The following NOL4L variants were observed in gnomAD, a reference collection of about 807,000 sequenced individuals.
NOL4L encodes the protein nucleolar protein 4-like.
A neutral mutation model predicts 64.5 loss-of-function variants in NOL4L; 7 were observed. The observed-to-expected ratio is 0.11, with a 90% CI of 0.06 to 0.20. The LOEUF (loss-of-function observed/expected upper bound fraction) is 0.20, where lower values mean the gene tolerates loss of function less well. NOL4L is among the 10% of genes least tolerant of loss of function. The probability of loss-of-function intolerance (pLI) is 1.00; values close to 1 mark genes in which losing one functional copy is unlikely to be tolerated. For synonymous variants in NOL4L, 413 were observed against 401.0 expected, an observed-to-expected ratio of 1.03 and a Z score of -0.36; for missense variants, 680 against 967.1, an observed-to-expected ratio of 0.70 and a Z score of 3.94.
chr20:32,539,842 G>A (rs2018622129), intron 1 of NOL4L, among the ~76,000 whole-genome samples: 1 of 152,122 alleles, frequency 6.6e-6, no homozygotes. Flanking sequence ...GCCACCAGGG[G>A]TAGGCTGTGC....
chr20:32,448,141 A>G (rs1352776570), intron 10 of NOL4L, among the ~76,000 whole-genome samples: 1 of 152,122 alleles, frequency 6.6e-6, no homozygotes, highest in Non-Finnish European at 1.5e-5. Flanking sequence ...GGGAAATACT[A>G]CTTCCATTGA....
At chr20:32,545,056 A>G (rs913258491) in intron 1 of NOL4L, among the ~76,000 whole-genome samples, 2 of 152,174 alleles carry the variant, frequency 1.3e-5, no homozygotes, top group African/African-American at 4.8e-5. Flanking sequence ...AGTGGGGTCT[A>G]TGGATGTATC....
At chr20:32,537,073 C>A (rs1410113694) in intron 1 of NOL4L, 1 of 985,020 alleles carries the variant, frequency 1.0e-6, no homozygotes, top group Non-Finnish European at 1.2e-6. Flanking sequence ...CCCCCCGGGA[C>A]GCTGCCCACC....
chr20:32,520,718 C>G, intron 3 of NOL4L, 93 bp downstream of exon 3: 1 of 719,298 alleles, frequency 1.4e-6, no homozygotes, highest in Non-Finnish European at 2.3e-6. Flanking sequence ...AGCTGCTGGA[C>G]ACTTTTCTGT....
chr20:32,514,418 GGAGGTGGAGGTTGCAGT>G (rs1260907792), intron 3 of NOL4L, among the ~76,000 whole-genome samples: 2 of 152,098 alleles, frequency 1.3e-5, no homozygotes. Context: ...CTGGAACCCG[GGAGGTGGAGGTTGCAGT>G]GAGCCAAGGT....
At chr20:32,503,631 A>C (rs1266343312) in intron 4 of NOL4L, among the ~76,000 whole-genome samples, 1 of 152,192 alleles carries the variant, frequency 6.6e-6, no homozygotes, top group Non-Finnish European at 1.5e-5. Flanking sequence ...CAGTCTAGAG[A>C]AATGGCTATT....
intron 4 of NOL4L, among the ~76,000 whole-genome samples, chr20:32,481,964 C>CCG (rs776260549): frequency 3.6e-5 from 1 of 27,954 alleles, no homozygotes; most frequent in South Asian, 1.3e-3. Context: ...TGGGGCGGGG[C>CCG]GGGGGGGGGG....
At chr20:32,546,034 C>T (rs749397351) in intron 1 of NOL4L, among the ~76,000 whole-genome samples, 12 of 151,774 alleles carry the variant, frequency 7.9e-5, no homozygotes, top group Non-Finnish European at 1.2e-4. Context: ...CTGCAACCTC[C>T]GCCTCCTTGG....
At position 32,516,207 on chromosome 20, in the gene NOL4L, G is replaced by T. The variant is rs550070074; in HGVS notation, c.589+4604C>A. ...CACGATGGGGGCCTGGCACAGAGAG[G>T]CCGTGAGACCAGCCAGCCTCAGGGG... On this transcript the variant is annotated intron_variant, in intron 3 of 10. Transcript: ENST00000621426. Among the ~76,000 whole-genome samples the T allele has an allele frequency of 6.6e-5, 10 of 152,154 alleles. No individual in the cohort carries two copies. The South Asian group carries it at 2.1e-3, about 32-fold the overall frequency.
Position 32,447,433 on chromosome 20 carries a change from T to C in NOL4L, c.*163A>G, listed in dbSNP as rs756167827. On this transcript the variant is annotated 3_prime_UTR_variant, in exon 11 of 11. Coordinates refer to ENST00000621426, the MANE Select transcript of NOL4L (RefSeq NM_001256798.2). ...AAAAAAAAAAAAAAAAAAAAAAGTG[T>C]CCTTGTGCCCAAAGTCTCAGGTGCT... The C allele has an allele frequency of 1.3e-5, 5 of 388,028 alleles. No homozygotes were observed. The highest frequency in any genetic ancestry group is 2.0e-5 in the Non-Finnish European group (5 of 244,710). The allele number at this position is 388,028 out of a possible 1,614,324, so 24.0% of individuals were successfully genotyped here. A position where few individuals can be genotyped will look rare whatever the true frequency, so the allele number is the denominator to read the frequency against.
intron 3 of NOL4L, 42 bp downstream of exon 3, chr20:32,520,769 G>A (rs1443350182): frequency 3.7e-5 from 48 of 1,289,292 alleles, no homozygotes; most frequent in Non-Finnish European, 4.9e-5. Flanking sequence ...TCCACTCTTA[G>A]ATGGCCCCCG....
At chr20:32,525,103 C>T (rs917923561) in intron 2 of NOL4L, among the ~76,000 whole-genome samples, 11 of 152,190 alleles carry the variant, frequency 7.2e-5, no homozygotes, top group Non-Finnish European at 1.5e-4. Context: ...GGCATATGGA[C>T]GAGAAGCCAG....
Position 32,447,217 on chromosome 20 carries a change from TGCAA to T in NOL4L, c.*375_*378del. On this transcript the variant is annotated 3_prime_UTR_variant, in exon 11 of 11. Transcript: ENST00000621426. ...TCCACTTTGCTTTTCTCAATAAATA[TGCAA>T]TTCTGCTCACCTAAGACTTGAAAGG... 1 of 485,606 alleles carries T rather than the reference TGCAA, an allele frequency of 2.1e-6. No individual in the cohort carries two copies. The highest frequency in any genetic ancestry group is 4.0e-6 in the Non-Finnish European group (1 of 247,288). The allele number at this position is 485,606 out of a possible 1,614,324, so 30.1% of individuals were successfully genotyped here.
intron 4 of NOL4L, among the ~76,000 whole-genome samples, chr20:32,490,944 A>C (rs1221261716): frequency 1.3e-5 from 2 of 152,152 alleles, no homozygotes; most frequent in Non-Finnish European, 2.9e-5. Flanking sequence ...GGAACTCTGT[A>C]GCAGACGGAC....
intron 5 of NOL4L, among the ~76,000 whole-genome samples, chr20:32,469,132 G>C (rs2145470045): frequency 6.6e-6 from 1 of 152,148 alleles, no homozygotes; most frequent in South Asian, 2.1e-4. Flanking sequence ...GCACACAGCG[G>C]GCTCAGGAAT....
chr20:32,551,632 C>T (rs1473746392), intron 1 of NOL4L, among the ~76,000 whole-genome samples: 1 of 151,584 alleles, frequency 6.6e-6, no homozygotes, highest in African/African-American at 2.4e-5. Flanking sequence ...ACAGAAAGCA[C>T]AGTAGTGGTT....
chr20:32,578,527 G>T (rs942765242), intron 1 of NOL4L, among the ~76,000 whole-genome samples: 1 of 152,132 alleles, frequency 6.6e-6, no homozygotes, highest in Non-Finnish European at 1.5e-5. Context: ...CTGGGACTAC[G>T]GGTGCGTGCC....
intron 4 of NOL4L, among the ~76,000 whole-genome samples, chr20:32,483,817 G>C (rs2015913463): frequency 7.4e-6 from 1 of 134,542 alleles, no homozygotes; most frequent in Admixed American, 7.3e-5. Flanking sequence ...AGAAAGGAGG[G>C]AGAGAGGCGC....
In NOL4L at chr20:32,572,544, T is replaced by A. The variant is rs1979818060; in HGVS notation, c.321+12026A>T. On this transcript the variant is annotated intron_variant, in intron 1 of 10. Transcript: ENST00000621426. The stretch of plus-strand genomic sequence containing the variant: ...CAGGATTCGAACCCAGGGCTCTTGT[T>A]CCCGCTCTCAGTCCTGTAATGCACA... 3 of 152,260 alleles carry A rather than the reference T, an allele frequency of 2.0e-5. No individual in the cohort carries two copies. In the South Asian group the frequency reaches 6.2e-4, roughly 31 times the overall value. 9.4% of individuals were successfully genotyped at this position (152,260 alleles called of 1,614,324 possible). A position where few individuals can be genotyped will look rare whatever the true frequency, so the allele number is the denominator to read the frequency against.
Sources: allele counts gnomAD v4.1 joint callset (sites outside exome capture counted in the v4.1 genomes callset), GRCh38; gene constraint gnomAD v4.1.1; transcripts MANE v1.5; gene names NCBI Gene and HGNC (gene_info 2026-07-23, HGNC 2026-07-21).